Variants in TNFRSF19 observed in about 807,000 individuals in gnomAD.
The protein encoded by TNFRSF19 is tumor necrosis factor receptor superfamily member 19.
A neutral mutation model predicts 46.4 loss-of-function variants in TNFRSF19; 27 were observed. The observed-to-expected ratio is 0.58, with a 90% CI of 0.43 to 0.80. The LOEUF is 0.80. TNFRSF19 is among the 30% of genes least tolerant of loss of function. The pLI is 0.00. For missense variants in TNFRSF19, 511 were observed against 530.8 expected (o/e 0.96, Z 0.37); for synonymous variants, 204 against 205.0 (o/e 1.00, Z 0.04).
chr13:23,612,332 A>G (rs1880962726), intron 3 of TNFRSF19, among the ~76,000 whole-genome samples: 1 of 152,232 alleles, frequency 6.6e-6, no homozygotes, highest in African/African-American at 2.4e-5. Context: ...ACTGAATGAA[A>G]TGAAAACATC....
At chr13:23,636,213 A>G (rs1397994127) in intron 5 of TNFRSF19, among the ~76,000 whole-genome samples, 4 of 152,222 alleles carry the variant, frequency 2.6e-5, no homozygotes, top group Admixed American at 2.6e-4. Context: ...TGATTTTCTG[A>G]AAAATCTTCA....
chr13:23,665,170 C>A (rs1565953796), intron 7 of TNFRSF19, among the ~76,000 whole-genome samples: 1 of 152,018 alleles, frequency 6.6e-6, no homozygotes, highest in Non-Finnish European at 1.5e-5. Context: ...CCTTAAACAC[C>A]CCCAAGCATT....
At chr13:23,592,504 C>A (rs1879387658) in intron 2 of TNFRSF19, among the ~76,000 whole-genome samples, 1 of 152,134 alleles carries the variant, frequency 6.6e-6, no homozygotes, top group Non-Finnish European at 1.5e-5. Flanking sequence ...TGACAAATAA[C>A]CTCTGTTTTT....
chr13:23,579,697 C>A (rs1037756284), intron 1 of TNFRSF19, among the ~76,000 whole-genome samples: 1 of 152,194 alleles, frequency 6.6e-6, no homozygotes, highest in African/African-American at 2.4e-5. Flanking sequence ...AAGGGAACCC[C>A]CGAAGGGGCT....
At chr13:23,664,581 T>C (rs1051650353) in intron 7 of TNFRSF19, among the ~76,000 whole-genome samples, 2 of 152,200 alleles carry the variant, frequency 1.3e-5, no homozygotes, top group African/African-American at 4.8e-5. Flanking sequence ...AATAGCACCA[T>C]TTTGTCTAAT....
Position 23,615,997 on chromosome 13 carries a change from C to CACCACTG in TNFRSF19, c.312_313insCCACTGA (p.Asn105ProfsTer9). The CACCACTG allele has an allele frequency of 6.2e-7, 1 of 1,612,762 alleles. No individual in the cohort carries two copies. Among genetic ancestry groups the CACCACTG allele is most frequent in the Non-Finnish European group, 8.5e-7 (1 of 1,178,932 alleles). On this transcript the variant is annotated frameshift_variant, in exon 4 of 10. Transcript: ENST00000248484. LOFTEE classifies it high-confidence loss of function. ...GCAGTGGTGAACCGCTTTCAGAAGG[C>CACCACTG]AAATTGTTCAGCCACCAGTGATGCC...
intron 5 of TNFRSF19, 142 bp from the exon 6 acceptor site, chr13:23,658,908 G>T: frequency 1.0e-6 from 1 of 991,754 alleles, no homozygotes; most frequent in Non-Finnish European, 1.5e-6. Flanking sequence ...GGGTGGAGGG[G>T]GTGCTTGAGC....
chr13:23,584,223 C>G (rs1021236820), intron 1 of TNFRSF19, among the ~76,000 whole-genome samples: 1 of 152,058 alleles, frequency 6.6e-6, no homozygotes, highest in Admixed American at 6.6e-5. Context: ...ATCCCTCACC[C>G]CCTTCCACCC....
At chr13:23,585,473 A>G (rs1878758260) in intron 1 of TNFRSF19, 1 of 152,238 alleles carries the variant, frequency 6.6e-6, no homozygotes, top group South Asian at 2.1e-4. Flanking sequence ...TGTCTGTATT[A>G]GAGCACTACC....
At chr13:23,586,082 C>T (rs1355052613) in intron 1 of TNFRSF19, among the ~76,000 whole-genome samples, 1 of 151,554 alleles carries the variant, frequency 6.6e-6, no homozygotes. Context: ...CACGGCGAAA[C>T]CCCGTCTCTA....
In TNFRSF19 at chr13:23,613,376, A is replaced by G. The variant is rs142475690; in HGVS notation, c.181-2491A>G. Among the ~76,000 whole-genome samples the G allele has an allele frequency of 1.4e-3, 209 of 152,372 alleles. 2 individuals are homozygous for G. The highest frequency in any genetic ancestry group is 4.8e-3 in the African/African-American group (199 of 41,602). On this transcript the variant is annotated intron_variant, in intron 3 of 9. Coordinates refer to ENST00000248484, the MANE Select transcript of TNFRSF19 (RefSeq NM_148957.4). ...AATTCCCAAAATAACTTGGCCAACA[A>G]GTGGCAGAGCTGGCATTCAAACTCA...
At chr13:23,657,730 G>A (rs576634758) in intron 5 of TNFRSF19, among the ~76,000 whole-genome samples, 3 of 151,888 alleles carry the variant, frequency 2.0e-5, no homozygotes, top group East Asian at 3.9e-4. Context: ...GTCTCGCTCT[G>A]TCGTCCAGGC....
At chr13:23,660,269 A>G in intron 6 of TNFRSF19, 96 bp from the exon 7 acceptor site, 2 of 1,227,768 alleles carry the variant, frequency 1.6e-6, no homozygotes, top group Non-Finnish European at 2.3e-6. Flanking sequence ...TTGGAAGGAT[A>G]GCTGATTTGT....
Position 23,590,201 on chromosome 13 carries a change from A to T in TNFRSF19, c.18A>T (p.Leu6=), listed in dbSNP as rs942898953. Residue 6 remains leucine, a synonymous_variant, in exon 2 of 10, where the codon CTA becomes CTT. Transcript: ENST00000248484. ...TAAGAAAGATGGCTTTAAAAGTGCT[A>T]CTAGAACAAGAGAAAACGTTTTTCA... MALKV[L]LEQEKTFFTL... is the part of the protein sequence containing the mutation. The T allele has an allele frequency of 1.3e-6, 2 of 1,597,858 alleles. No homozygotes were observed. The highest frequency in any genetic ancestry group is 1.7e-6 in the Non-Finnish European group (2 of 1,171,378).
chr13:23,577,132 T>A lies in TNFRSF19; in HGVS notation c.-35+6284T>A, dbSNP rs531195948. ...AAACTTAGAGAGGTTAAGTAACTTTTCCAAAGTCATGCAACTACTGAATGA... is the reference window on the plus strand; with the variant it reads ...AAACTTAGAGAGGTTAAGTAACTTTACCAAAGTCATGCAACTACTGAATGA... On this transcript the variant is annotated intron_variant, in intron 1 of 9. Transcript: ENST00000248484. 2.0e-5 allele frequency among the ~76,000 whole-genome samples: 3 copies of A among 152,364 alleles called. No individual in the cohort carries two copies. In the East Asian group the frequency reaches 5.8e-4, roughly 29 times the overall value.
chr13:23,617,031 A>G (rs1593259243), intron 4 of TNFRSF19, among the ~76,000 whole-genome samples: 1 of 152,180 alleles, frequency 6.6e-6, no homozygotes, highest in African/African-American at 2.4e-5. Context: ...GTGACAGCGT[A>G]AATTGGGTTG....
At chr13:23,635,486 C>T (rs1024191933) in intron 5 of TNFRSF19, among the ~76,000 whole-genome samples, 5 of 152,080 alleles carry the variant, frequency 3.3e-5, no homozygotes, top group African/African-American at 1.2e-4. Context: ...TCAAGCGATT[C>T]TTCTGCCTCA....
chr13:23,623,217 T>C (rs887752060), intron 4 of TNFRSF19, among the ~76,000 whole-genome samples: 3 of 152,244 alleles, frequency 2.0e-5, no homozygotes, highest in Admixed American at 1.3e-4. Context: ...TCTGTCTTTT[T>C]ATGACAGGCT....
chr13:23,657,483 G>A (rs1479330455), intron 5 of TNFRSF19, among the ~76,000 whole-genome samples: 1 of 152,104 alleles, frequency 6.6e-6, no homozygotes, highest in African/African-American at 2.4e-5. Context: ...AGCCACATGT[G>A]GCTACTGAGC....
Sources: gnomAD v4.1 joint callset for allele counts (sites outside exome capture counted in the v4.1 genomes callset) on GRCh38, gnomAD v4.1.1 for gene constraint, MANE v1.5 for transcripts, NCBI Gene and HGNC (gene_info 2026-07-23, HGNC 2026-07-21) for gene names.